Variants in CLUL1 observed in about 807,000 individuals in gnomAD.
The protein encoded by CLUL1 is clusterin-like protein 1.
A neutral mutation model predicts 49.4 loss-of-function variants in CLUL1; 43 were observed. The ratio of observed to expected loss-of-function variants is 0.87; its 90% CI spans 0.68 to 1.12. The LOEUF is 1.12. Among genes scored for constraint, CLUL1 ranks in the 50% most tolerant of loss-of-function variants. The pLI is 0.00. For missense variants in CLUL1, 486 were observed against 544.4 expected (o/e 0.89, Z 1.07); for synonymous variants, 192 against 184.9 (o/e 1.04, Z -0.31).
At chr18:632,141 T>A (rs2074008444) in intron 6 of CLUL1, among the ~76,000 whole-genome samples, 1 of 152,240 alleles carries the variant, frequency 6.6e-6, no homozygotes, top group Non-Finnish European at 1.5e-5. Flanking sequence ...AAACACTCTA[T>A]TGGGAACCGC....
At chr18:624,780 T>A in intron 4 of CLUL1, 85 bp from the exon 5 acceptor site, 2 of 1,299,742 alleles carry the variant, frequency 1.5e-6, no homozygotes, top group Non-Finnish European at 2.2e-6. Context: ...CAGTTTAGAA[T>A]GTATACATTT....
intron 2 of CLUL1, among the ~76,000 whole-genome samples, chr18:611,436 A>C (rs906291719): frequency 3.9e-5 from 6 of 151,974 alleles, no homozygotes; most frequent in Admixed American, 6.6e-5. Context: ...TGGTGGCTCC[A>C]GCGTGTCATC....
At chr18:630,648 G>A (rs890290829) in intron 6 of CLUL1, among the ~76,000 whole-genome samples, 13 of 136,956 alleles carry the variant, frequency 9.5e-5, no homozygotes, top group Admixed American at 1.5e-4. Context: ...TAGAGCCTCC[G>A]CAAAAAACTA....
At chr18:626,933 AAGAAG>A (rs2073778394) in intron 5 of CLUL1, among the ~76,000 whole-genome samples, 159 bp from the exon 6 acceptor site, 1 of 1,564 alleles carries the variant, frequency 6.4e-4, no homozygotes, top group African/African-American at 8.2e-4. Context: ...GAAAGAAGGA[AAGAAG>A]GAAAGAAGGA....
intron 7 of CLUL1, among the ~76,000 whole-genome samples, chr18:639,379 C>T (rs551949613): frequency 3.1e-4 from 45 of 144,904 alleles, no homozygotes; most frequent in Admixed American, 4.3e-4. Flanking sequence ...TGCAGTGAGC[C>T]GAGATCGCAC....
rs762235623 is a variant in CLUL1 at position 624,845 on chromosome 18, T to C, written c.256-20T>C. 2.5e-6 allele frequency: 4 copies of C among 1,611,398 alleles called. No individual in the cohort carries two copies. The highest frequency in any genetic ancestry group is 3.4e-6 in the Non-Finnish European group (4 of 1,178,568). The stretch of plus-strand genomic sequence containing the variant: ...AGATTATGAAATGGAAATTGGACTT[T>C]TGTTTCTACTTTTAACTAGGAGGCC... On this transcript the variant is annotated intron_variant, in intron 4 of 9. Transcript: ENST00000692774.
intron 2 of CLUL1, among the ~76,000 whole-genome samples, chr18:611,875 C>A (rs2073143916): frequency 6.6e-6 from 1 of 152,098 alleles, no homozygotes; most frequent in African/African-American, 2.4e-5. Flanking sequence ...GTTCCTGGAG[C>A]ATGAGCAAAG....
intron 9 of CLUL1, 166 bp from the exon 10 acceptor site, chr18:649,732 A>C: frequency 1.8e-6 from 1 of 558,000 alleles, no homozygotes; most frequent in Non-Finnish European, 3.2e-6. Context: ...ATATCCATGC[A>C]TATGGGTTTC....
In CLUL1 at chr18:649,904, A is replaced by T; in HGVS notation, c.*3A>T. ...CTTTTTTTTTTTTTTTAAGGTAAGAAGATCTAATGCATCCTATATCCAGTA... is the reference window on the plus strand; with the variant it reads ...CTTTTTTTTTTTTTTTAAGGTAAGATGATCTAATGCATCCTATATCCAGTA... On this transcript the variant is annotated 3_prime_UTR_variant, in exon 10 of 10. Transcript: ENST00000692774. 1.4e-6 allele frequency: 2 copies of T among 1,392,500 alleles called. No homozygotes were observed. Among genetic ancestry groups the T allele is most frequent in the Non-Finnish European group, 2.0e-6 (2 of 992,672 alleles). The allele number at this position is 1,392,500 out of a possible 1,614,324, so 86.3% of individuals were successfully genotyped here.
intron 4 of CLUL1, 76 bp from the exon 5 acceptor site, chr18:624,789 T>G: frequency 1.4e-6 from 2 of 1,433,934 alleles, no homozygotes; most frequent in South Asian, 1.2e-5. Context: ...ATGTATACAT[T>G]TCAAAGGGTG....
chr18:601,178 A>C (rs1221829013), intron 1 of CLUL1, among the ~76,000 whole-genome samples: 2 of 152,210 alleles, frequency 1.3e-5, no homozygotes, highest in Admixed American at 6.5e-5. Flanking sequence ...TCACTGATTG[A>C]AATATTTTGT....
chr18:635,652 C>A (rs745366956), intron 7 of CLUL1, among the ~76,000 whole-genome samples: 27 of 151,824 alleles, frequency 1.8e-4, no homozygotes, highest in Non-Finnish European at 3.1e-4. Flanking sequence ...GAACAAAAAG[C>A]ATGGTCAGTG....
At chr18:613,241 C>G in intron 2 of CLUL1, 1 of 454,010 alleles carries the variant, frequency 2.2e-6, no homozygotes, top group Non-Finnish European at 3.9e-6. Context: ...CAGGTTCAAG[C>G]GATTCTCCTG....
chr18:627,265 A>G lies in CLUL1; in HGVS notation c.592A>G (p.Ser198Gly). 6.2e-7 allele frequency: 1 copy of G among 1,614,026 alleles called. No individual in the cohort carries two copies. The highest frequency in any genetic ancestry group is 2.2e-5 in the East Asian group (1 of 44,834). Residue 198 changes from serine to glycine, a missense_variant, in exon 6 of 10, where the codon AGT (serine) becomes GGT (glycine). Ser to Gly is a moderately conservative substitution (Grantham distance 56, BLOSUM62 0). Transcript: ENST00000692774. ...TVDVNSLFNR[S>G]FNVFRQMQQE... The stretch of plus-strand genomic sequence containing the variant: ...GGATGTGAATTCTCTCTTTAACAGG[A>G]GTTTTAACGTCTTCAGACAGATGCA...
rs141914289 is a variant in CLUL1 at position 619,125 on chromosome 18, C to T, written c.107-88C>T. On this transcript the variant is annotated intron_variant, in intron 3 of 9. Coordinates refer to ENST00000692774, the MANE Select transcript of CLUL1 (RefSeq NM_001393344.1). The stretch of plus-strand genomic sequence containing the variant: ...TGAGCCTATAAGAGAACAATTAAGC[C>T]TCTCTTTTGGAGACATGAAAGGTTG... The T allele has an allele frequency of 6.0e-4, 761 of 1,262,578 alleles. 8 individuals are homozygous for T. The South Asian group carries it at 9.9e-3, about 16-fold the overall frequency. The allele number at this position is 1,262,578 out of a possible 1,614,324, so 78.2% of individuals were successfully genotyped here.
At chr18:614,739 C>T (rs988541934) in intron 2 of CLUL1, 5 of 152,262 alleles carry the variant, frequency 3.3e-5, no homozygotes, top group African/African-American at 1.2e-4. Flanking sequence ...GTCTACAGGA[C>T]ACATGCACTC....
chr18:625,076 C>A (rs955876091), intron 5 of CLUL1, 44 bp downstream of exon 5: 2 of 1,566,200 alleles, frequency 1.3e-6, no homozygotes, highest in Non-Finnish European at 1.7e-6. Context: ...TCTTGAGGCA[C>A]CTATTTCAGC....
At chr18:611,308 C>G in intron 2 of CLUL1, among the ~76,000 whole-genome samples, 1 of 150,960 alleles carries the variant, frequency 6.6e-6, no homozygotes, top group East Asian at 1.9e-4. Flanking sequence ...TCCTTAAAGA[C>G]CCTCTTTCTG....
rs996737906 is a variant in CLUL1, at chr18:619,899, G to A, written c.255+538G>A. On this transcript the variant is annotated intron_variant, in intron 4 of 9. Coordinates refer to ENST00000692774, the MANE Select transcript of CLUL1 (RefSeq NM_001393344.1). Reference sequence around the variant, plus strand: ...TAATTTTTGTATTTTTAGAAGAGACGGGGTTTCACCATGCTGGCCAGGCTG... The same window carrying A: ...TAATTTTTGTATTTTTAGAAGAGACAGGGTTTCACCATGCTGGCCAGGCTG... Among the ~76,000 whole-genome samples, 5 of 151,824 alleles carry A rather than the reference G, an allele frequency of 3.3e-5. No individual in the cohort carries two copies. In the South Asian group the frequency reaches 6.3e-4, roughly 19 times the overall value.
Sources: gnomAD v4.1 joint callset for allele counts (sites outside exome capture counted in the v4.1 genomes callset) on GRCh38, gnomAD v4.1.1 for gene constraint, MANE v1.5 for transcripts, NCBI Gene and HGNC (gene_info 2026-07-23, HGNC 2026-07-21) for gene names.